RBBP7: variants seen among roughly 807,000 people sequenced by gnomAD.
RBBP7 encodes RB binding protein 7, chromatin remodeling factor.
A neutral mutation model predicts 35.2 loss-of-function variants in RBBP7; 5 were observed. That is an observed-to-expected ratio of 0.14 (90% CI 0.07 to 0.30). The LOEUF is 0.30. RBBP7 is among the 10% of genes least tolerant of loss of function. RBBP7 has a pLI of 1.00. For missense variants in RBBP7, 155 were observed against 327.5 expected, an observed-to-expected ratio of 0.47 and a Z score of 4.07; for synonymous variants, 140 against 118.7, an observed-to-expected ratio of 1.18 and a Z score of -1.17.
intron 4 of RBBP7, among the ~76,000 whole-genome samples, chrX:16,858,110 T>C (rs956228435): frequency 9.0e-6 from 1 of 111,449 alleles, no homozygotes; most frequent in Non-Finnish European, 1.9e-5. Flanking sequence ...CGTCACTGAC[T>C]GATAAAGTTT....
intron 2 of RBBP7, among the ~76,000 whole-genome samples, chrX:16,866,559 AAAGAAAGAAAGC>A (rs1356771911): frequency 5.3e-5 from 5 of 94,493 alleles, no homozygotes; most frequent in Admixed American, 2.3e-4. Context: ...AAAAAAAAAG[AAAGAAAGAAAGC>A]AAGAAAGCAA....
At chrX:16,860,697 G>T (rs1460063131) in intron 3 of RBBP7, among the ~76,000 whole-genome samples, 1 of 97,634 alleles carries the variant, frequency 1.0e-5, no homozygotes, top group Non-Finnish European at 2.1e-5. Context: ...AAAAAAAAAA[G>T]AAAAAAAAAA....
intron 10 of RBBP7, chrX:16,847,456 G>A: frequency 9.1e-6 from 1 of 109,581 alleles, no homozygotes; most frequent in East Asian, 2.9e-4. Flanking sequence ...GGGCGACAGA[G>A]AGAGTACTCT....
At chrX:16,854,462 C>T (rs1175480701) in intron 5 of RBBP7, among the ~76,000 whole-genome samples, 2 of 110,849 alleles carry the variant, frequency 1.8e-5, no homozygotes, top group Non-Finnish European at 3.8e-5. Context: ...TTAGACAACA[C>T]AACAAATCAC....
chrX:16,869,059 T>C lies in RBBP7; in HGVS notation c.161+17A>G. 2 of 1,185,143 alleles carry C rather than the reference T, an allele frequency of 1.7e-6. No individual in the cohort carries two copies. The highest frequency in any genetic ancestry group is 2.3e-6 in the Non-Finnish European group (2 of 887,097). On this transcript the variant is annotated intron_variant, in intron 2 of 11. Coordinates refer to ENST00000380087, the MANE Select transcript of RBBP7 (RefSeq NM_002893.4). The stretch of plus-strand genomic sequence containing the variant: ...CAGTTAAATTTAAACAAAATAAAAG[T>C]TGCCAGAAACCCTTACTTAGTCACT...
Position 16,844,930 on chromosome X carries a change from G to A in RBBP7, c.*105C>T. On this transcript the variant is annotated 3_prime_UTR_variant, in exon 12 of 12. Transcript: ENST00000380087. ...GAATCAGAGGATAAAGAAGCCATAA[G>A]CCACCCCACTTACATTTCCTACTAT... 3.0e-6 allele frequency: 2 copies of A among 665,890 alleles called. No homozygotes were observed. The highest frequency in any genetic ancestry group is 4.7e-6 in the Non-Finnish European group (2 of 422,073). 54.9% of individuals were successfully genotyped at this position (665,890 alleles called of 1,213,427 possible). A position where few individuals can be genotyped will look rare whatever the true frequency, so the allele number is the denominator to read the frequency against.
At chrX:16,869,961 C>A in intron 1 of RBBP7, 77 bp downstream of exon 1, 1 of 751,351 alleles carries the variant, frequency 1.3e-6, no homozygotes, top group Non-Finnish European at 1.6e-6. Context: ...TCGCGCCTTT[C>A]GCCGGCGCGT....
At position 16,862,349 on chromosome X, in the gene RBBP7, A is replaced by G. The variant is rs191666992; in HGVS notation, c.307+606T>C. Among the ~76,000 whole-genome samples the G allele has an allele frequency of 1.6e-4, 18 of 111,239 alleles. No individual in the cohort carries two copies. The Admixed American group carries it at 1.7e-3, about 11-fold the overall frequency. On this transcript the variant is annotated intron_variant, in intron 3 of 11. Coordinates refer to ENST00000380087, the MANE Select transcript of RBBP7 (RefSeq NM_002893.4). ...TATGTTTGACAAATTAAAAAAAGAA[A>G]AAAGCAGCCAACAGATTCCTGAATT... is the stretch of plus-strand genomic sequence containing the variant.
intron 10 of RBBP7, chrX:16,846,446 A>C (rs1273599910): frequency 1.8e-5 from 2 of 111,691 alleles, no homozygotes; most frequent in African/African-American, 6.5e-5. Context: ...TCTCCACTTT[A>C]CTGAGAGAGG....
intron 9 of RBBP7, among the ~76,000 whole-genome samples, chrX:16,851,347 TAA>T (rs917626447): frequency 9.0e-6 from 1 of 111,728 alleles, no homozygotes; most frequent in Admixed American, 9.5e-5. Flanking sequence ...AAGCAGGAAA[TAA>T]GTTATTTTTT....
Position 16,869,984 on chromosome X carries a change from CGCGCCCGCCGCCCCCCGCGGCCCCG to C in RBBP7, c.16+29_16+53del, listed in dbSNP as rs1360189998. On this transcript the variant is annotated intron_variant, in intron 1 of 11. Coordinates refer to ENST00000380087, the MANE Select transcript of RBBP7 (RefSeq NM_002893.4). ...TTCGCCGGCGCGTGCCGCGGCCTCG[CGCGCCCGCCGCCCCCCGCGGCCCCG>C]GCGCGCGCCGCCCCGCAGGGCCTCT... 1.1e-4 allele frequency: 83 copies of C among 751,922 alleles called. 3 individuals are homozygous for C. Among genetic ancestry groups the C allele is most frequent in the East Asian group, 3.1e-4 (2 of 6,512 alleles). The allele number at this position is 751,922 out of a possible 1,213,427, so 62.0% of individuals were successfully genotyped here.
intron 10 of RBBP7, chrX:16,848,936 A>C: frequency 4.9e-6 from 1 of 205,294 alleles, no homozygotes; most frequent in East Asian, 8.6e-5. Context: ...TGCCAACTGA[A>C]TAGCAATTAT....
rs1930749263 is a variant in RBBP7, at chrX:16,870,146, C to A, written c.-93G>T. 2.0e-6 allele frequency: 2 copies of A among 996,352 alleles called. No homozygotes were observed. Among genetic ancestry groups the A allele is most frequent in the Admixed American group, 3.7e-5 (1 of 26,694 alleles). The allele number at this position is 996,352 out of a possible 1,213,427, so 82.1% of individuals were successfully genotyped here. A position where few individuals can be genotyped will look rare whatever the true frequency, so the allele number is the denominator to read the frequency against. On this transcript the variant is annotated 5_prime_UTR_variant, in exon 1 of 12. Transcript: ENST00000380087. ...CGCTGGCGCTCCTGCCTTTCCCAAG[C>A]GCGTCACACTCCCCACTGTCGAAAG...
intron 2 of RBBP7, among the ~76,000 whole-genome samples, chrX:16,866,377 T>C (rs1199614158): frequency 2.8e-5 from 3 of 107,332 alleles, no homozygotes; most frequent in African/African-American, 6.8e-5. Context: ...AATACAACAA[T>C]TAGCTGGGTG....
intron 11 of RBBP7, 137 bp from the exon 12 acceptor site, chrX:16,845,240 G>A (rs1327406947): frequency 2.1e-6 from 1 of 481,438 alleles, no homozygotes; most frequent in African/African-American, 2.4e-5. Flanking sequence ...TAAGGAAATG[G>A]TAGGCTAGCC....
intron 5 of RBBP7, among the ~76,000 whole-genome samples, chrX:16,856,566 C>A (rs1030116592): frequency 9.2e-6 from 1 of 109,233 alleles, no homozygotes; most frequent in Non-Finnish European, 1.9e-5. Flanking sequence ...ACAACAACAA[C>A]AAAAACCAAC....
rs939896686 is a variant in RBBP7 at position 16,862,558 on chromosome X, T to A, written c.307+397A>T. Reference sequence around the variant, plus strand: ...TCATTAAAAAAAAAAATTTTTTTTTTAAATTTTTGGTAGAAATGAGGTCTG... The same window carrying A: ...TCATTAAAAAAAAAAATTTTTTTTTAAAATTTTTGGTAGAAATGAGGTCTG... On this transcript the variant is annotated intron_variant, in intron 3 of 11. Transcript: ENST00000380087. Among the ~76,000 whole-genome samples, 28 of 111,212 alleles carry A rather than the reference T, an allele frequency of 2.5e-4. No individual in the cohort carries two copies. In the East Asian group the frequency reaches 2.5e-3, roughly 10 times the overall value.
chrX:16,846,042 G>C, intron 10 of RBBP7, 104 bp from the exon 11 acceptor site: 1 of 1,089,622 alleles, frequency 9.2e-7, no homozygotes, highest in Non-Finnish European at 1.2e-6. Context: ...ACTGGGGGTG[G>C]GTGCTGTCTG....
At chrX:16,868,878 C>T (rs1278307188) in intron 2 of RBBP7, among the ~76,000 whole-genome samples, 198 bp downstream of exon 2, 4 of 112,197 alleles carry the variant, frequency 3.6e-5, no homozygotes, top group African/African-American at 1.3e-4. Flanking sequence ...CTCACAACAG[C>T]TTCTTTCTCC....
Sources: gnomAD v4.1 joint callset for allele counts (sites outside exome capture counted in the v4.1 genomes callset) on GRCh38, gnomAD v4.1.1 for gene constraint, MANE v1.5 for transcripts, NCBI Gene and HGNC (gene_info 2026-07-23, HGNC 2026-07-21) for gene names.